Variants in PARN observed in about 807,000 individuals in gnomAD.
PARN encodes the protein poly(A)-specific ribonuclease.
A neutral mutation model predicts 102.8 loss-of-function variants in PARN; 71 were observed. The observed-to-expected ratio is 0.69, with a 90% confidence interval of 0.57 to 0.84. The LOEUF (loss-of-function observed/expected upper bound fraction) is 0.84. Among genes scored for constraint, PARN ranks in the 40% least tolerant of loss-of-function variants. The probability of loss-of-function intolerance (pLI) is 0.00; values close to 1 mark genes in which losing one functional copy is unlikely to be tolerated. For missense variants in PARN, 782 were observed against 760.9 expected (o/e 1.03, Z -0.33); for synonymous variants, 261 against 252.9 (o/e 1.03, Z -0.30).
At chr16:14,606,440 A>T (rs770154736) in intron 10 of PARN, 44 bp downstream of exon 10, 44 of 1,131,240 alleles carry the variant, frequency 3.9e-5, no homozygotes, top group Non-Finnish European at 5.6e-5. Context: ...ACAGTGTAAC[A>T]ATGGATGTGT....
At chr16:14,448,485 A>C (rs973721650) in intron 22 of PARN, among the ~76,000 whole-genome samples, 3 of 151,858 alleles carry the variant, frequency 2.0e-5, no homozygotes, top group African/African-American at 7.3e-5. Flanking sequence ...GTGAGGTTTC[A>C]CCATGTTGGC....
intron 12 of PARN, among the ~76,000 whole-genome samples, chr16:14,596,935 T>A (rs1340744008): frequency 6.6e-6 from 1 of 151,936 alleles, no homozygotes; most frequent in Non-Finnish European, 1.5e-5. Context: ...TACAGGTGTG[T>A]GCCACCACGC....
At chr16:14,559,740 C>T (rs1050552003) in intron 18 of PARN, among the ~76,000 whole-genome samples, 2 of 151,914 alleles carry the variant, frequency 1.3e-5, no homozygotes, top group Admixed American at 1.3e-4. Context: ...CACAGAAACC[C>T]CTTTCAAATG....
intron 14 of PARN, among the ~76,000 whole-genome samples, chr16:14,586,053 C>G (rs1242264184): frequency 6.8e-6 from 1 of 147,116 alleles, no homozygotes; most frequent in Non-Finnish European, 1.5e-5. Context: ...TATTATGGCT[C>G]ACTGCAACCT....
intron 21 of PARN, among the ~76,000 whole-genome samples, chr16:14,492,308 A>G (rs1205874606): frequency 1.3e-5 from 2 of 152,122 alleles, no homozygotes; most frequent in Admixed American, 6.5e-5. Context: ...CATGAGATGC[A>G]CTCAGGAAAG....
chr16:14,459,109 A>C (rs1961832463), intron 22 of PARN, among the ~76,000 whole-genome samples: 1 of 152,234 alleles, frequency 6.6e-6, no homozygotes, highest in Non-Finnish European at 1.5e-5. Flanking sequence ...GATCAGGAAT[A>C]AGATAAAGAT....
intron 18 of PARN, among the ~76,000 whole-genome samples, chr16:14,574,829 G>C (rs980750880): frequency 2.0e-5 from 3 of 152,210 alleles, no homozygotes; most frequent in African/African-American, 7.2e-5. Flanking sequence ...GCGTGTCAGA[G>C]GTCTTCAAGG....
At chr16:14,556,864 G>A (rs1967722335) in intron 18 of PARN, among the ~76,000 whole-genome samples, 1 of 151,982 alleles carries the variant, frequency 6.6e-6, no homozygotes, top group Non-Finnish European at 1.5e-5. Context: ...ATAAGTGACT[G>A]TCTCAAAAGC....
intron 5 of PARN, among the ~76,000 whole-genome samples, chr16:14,620,470 T>A (rs1225673870): frequency 6.6e-6 from 1 of 152,234 alleles, no homozygotes; most frequent in East Asian, 1.9e-4. Flanking sequence ...TCAAATGAAC[T>A]TAAGAAATAA....
At chr16:14,628,123 A>T (rs776784246) in intron 3 of PARN, 49 bp downstream of exon 3, 4 of 1,039,752 alleles carry the variant, frequency 3.8e-6, no homozygotes, top group South Asian at 2.6e-5. Context: ...ATTTAACATA[A>T]GGAAGACTAA....
intron 23 of PARN, among the ~76,000 whole-genome samples, chr16:14,438,372 T>C (rs568861691): frequency 6.9e-6 from 1 of 144,918 alleles, no homozygotes; most frequent in African/African-American, 2.5e-5. Flanking sequence ...AAAAGGAAGA[T>C]AAATTGCTAA....
intron 22 of PARN, among the ~76,000 whole-genome samples, chr16:14,453,361 C>T (rs1183174877): frequency 6.6e-6 from 1 of 152,080 alleles, no homozygotes; most frequent in Non-Finnish European, 1.5e-5. Flanking sequence ...ATAGAAAGGC[C>T]GTATTTTCAA....
At chr16:14,536,242 T>G (rs1004700782) in intron 21 of PARN, among the ~76,000 whole-genome samples, 3 of 152,198 alleles carry the variant, frequency 2.0e-5, no homozygotes, top group Admixed American at 2.0e-4. Flanking sequence ...AAAATCAGAT[T>G]TCATTTTTTA....
chr16:14,559,229 T>G lies in PARN; in HGVS notation c.1263-3520A>C, dbSNP rs140451553. ...TCTCTTACCATTTAGATGTTGTTGTTTTTTTTTTATTTCTTTATTTTATTT... is the reference window on the plus strand; with the variant it reads ...TCTCTTACCATTTAGATGTTGTTGTGTTTTTTTTATTTCTTTATTTTATTT... On this transcript the variant is annotated intron_variant, in intron 18 of 23. Coordinates refer to ENST00000437198, the MANE Select transcript of PARN (RefSeq NM_002582.4). Among the ~76,000 whole-genome samples the G allele has an allele frequency of 4.7e-3, 712 of 150,918 alleles. 9 individuals are homozygous for G. Among genetic ancestry groups the G allele is most frequent in the African/African-American group, 0.016 (673 of 41,202 alleles).
At chr16:14,532,118 A>T (rs1004044791) in intron 21 of PARN, among the ~76,000 whole-genome samples, 10 of 152,040 alleles carry the variant, frequency 6.6e-5, no homozygotes, top group Admixed American at 4.6e-4. Context: ...GAATAAATAA[A>T]TCCCCCCAAC....
intron 21 of PARN, among the ~76,000 whole-genome samples, chr16:14,529,163 C>T (rs965034755): frequency 6.6e-6 from 1 of 152,174 alleles, no homozygotes; most frequent in Non-Finnish European, 1.5e-5. Context: ...CAGCTCCGGA[C>T]TCTAAAGGCT....
At chr16:14,466,183 A>G (rs2151578647) in intron 22 of PARN, among the ~76,000 whole-genome samples, 1 of 152,354 alleles carries the variant, frequency 6.6e-6, no homozygotes, top group African/African-American at 2.4e-5. Flanking sequence ...CAGTAAGTAC[A>G]TTATTTGAGA....
intron 21 of PARN, among the ~76,000 whole-genome samples, chr16:14,487,627 G>T (rs1286032329): frequency 6.6e-6 from 1 of 152,082 alleles, no homozygotes; most frequent in African/African-American, 2.4e-5. Context: ...AGTGTGCCCA[G>T]AGTTGGCCTC....
chr16:14,568,342 A>G (rs1171722056), intron 18 of PARN, among the ~76,000 whole-genome samples: 2 of 150,476 alleles, frequency 1.3e-5, no homozygotes, highest in African/African-American at 4.9e-5. Flanking sequence ...CCTCCCGAGT[A>G]GCTGGGACTA....
Sources: allele counts gnomAD v4.1 joint callset (sites outside exome capture counted in the v4.1 genomes callset), GRCh38; gene constraint gnomAD v4.1.1; transcripts MANE v1.5; gene names NCBI Gene and HGNC (gene_info 2026-07-23, HGNC 2026-07-21).